The following FGF14 variants were observed in gnomAD, a reference collection of about 807,000 sequenced individuals.
FGF14 encodes the protein fibroblast growth factor 14.
Under a neutral mutation model 25.5 loss-of-function variants are expected in FGF14, and 5 were observed. That is an observed-to-expected ratio of 0.20 (90% CI 0.10 to 0.41). FGF14 has a LOEUF of 0.41. Ranked by LOEUF, FGF14 falls within the 10% of genes least tolerant of loss-of-function variation. The probability of loss-of-function intolerance (pLI) is 1.00; values close to 1 mark genes in which losing one functional copy is unlikely to be tolerated. For missense variants in FGF14, 222 were observed against 320.1 expected (o/e 0.69, Z 2.34); for synonymous variants, 138 against 118.3 (o/e 1.17, Z -1.08).
chr13:101,909,774 T>C (rs1304635416), intron 1 of FGF14, among the ~76,000 whole-genome samples: 1 of 152,200 alleles, frequency 6.6e-6, no homozygotes. Context: ...ATCATGCTTC[T>C]GTAAAGACAC....
intron 1 of FGF14, among the ~76,000 whole-genome samples, chr13:101,961,945 A>G (rs1039967016): frequency 2.0e-5 from 3 of 152,136 alleles, no homozygotes; most frequent in African/African-American, 7.2e-5. Flanking sequence ...TACCAGTACT[A>G]TGCTGTTTTG....
intron 3 of FGF14, chr13:101,868,279 G>A (rs1049682550): frequency 5.1e-6 from 1 of 195,882 alleles, no homozygotes; most frequent in African/African-American, 2.4e-5. Flanking sequence ...AGGCTTGCAA[G>A]AAATACACAT....
chr13:102,071,513 T>C (rs996749970), intron 1 of FGF14, among the ~76,000 whole-genome samples: 4 of 152,202 alleles, frequency 2.6e-5, no homozygotes, highest in African/African-American at 9.7e-5. Flanking sequence ...TTTTTTATAA[T>C]CATCACATTA....
intron 3 of FGF14, among the ~76,000 whole-genome samples, chr13:101,849,822 C>A (rs532843686): frequency 1.3e-5 from 2 of 152,118 alleles, no homozygotes; most frequent in East Asian, 3.9e-4. Context: ...AGCACCAGGT[C>A]AAACTCCAGC....
chr13:101,765,981 G>C (rs975815935), intron 3 of FGF14, among the ~76,000 whole-genome samples: 1 of 152,052 alleles, frequency 6.6e-6, no homozygotes, highest in Non-Finnish European at 1.5e-5. Flanking sequence ...TGCCCACCTT[G>C]GCCTCCCAAA....
In FGF14 at chr13:102,112,917, T is replaced by C. The variant is rs78408620; in HGVS notation, c.209-237621A>G. Among the ~76,000 whole-genome samples the C allele has an allele frequency of 5.1e-3, 774 of 152,278 alleles. 7 individuals are homozygous for C. The highest frequency in any genetic ancestry group is 0.018 in the African/African-American group (738 of 41,546). On this transcript the variant is annotated intron_variant, in intron 1 of 4. Coordinates refer to the FGF14 transcript ENST00000376131. ...AAGTTTGGGTTCAGTATTCCAAAGATTGGGGACATAATGCACTCTAAGACA... is the reference window on the plus strand; with the variant it reads ...AAGTTTGGGTTCAGTATTCCAAAGACTGGGGACATAATGCACTCTAAGACA...
intron 1 of FGF14, among the ~76,000 whole-genome samples, chr13:102,027,212 CACACACAT>C (rs1054248041): frequency 2.0e-5 from 3 of 151,664 alleles, no homozygotes; most frequent in Non-Finnish European, 2.9e-5. Context: ...AAGAAACACA[CACACACAT>C]ACACACAGAC....
intron 1 of FGF14, among the ~76,000 whole-genome samples, chr13:102,194,891 G>A (rs1263562145): frequency 1.3e-5 from 2 of 152,104 alleles, no homozygotes; most frequent in African/African-American, 2.4e-5. Flanking sequence ...ACATACAGGG[G>A]TCCTTGATAA....
At chr13:101,884,714 G>A (rs1594603129) in intron 1 of FGF14, among the ~76,000 whole-genome samples, 2 of 152,076 alleles carry the variant, frequency 1.3e-5, no homozygotes, top group Admixed American at 6.6e-5. Flanking sequence ...TTTGCTACAG[G>A]AACTGGGAAG....
chr13:102,395,264 A>G (rs2058552278), intron 1 of FGF14: 1 of 152,256 alleles, frequency 6.6e-6, no homozygotes, highest in African/African-American at 2.4e-5. Flanking sequence ...TTCCTTGTTA[A>G]GAAGAAAATT....
intron 1 of FGF14, among the ~76,000 whole-genome samples, chr13:101,987,990 C>T (rs187619704): frequency 1.8e-4 from 27 of 152,008 alleles, no homozygotes; most frequent in East Asian, 1.2e-3. Context: ...TCTAGAATCA[C>T]GAATGAAATA....
rs1169934908 is a variant in FGF14, at chr13:102,374,662, A to G, written c.208+26809T>C. 2.2e-4 allele frequency among the ~76,000 whole-genome samples: 17 copies of G among 78,190 alleles called. No homozygotes were observed. The East Asian group carries it at 3.4e-3, about 16-fold the overall frequency. The allele number at this position is 78,190 out of a possible 152,430, so 51.3% of individuals were successfully genotyped here. A position where few individuals can be genotyped will look rare whatever the true frequency, so the allele number is the denominator to read the frequency against. ...ACATATTTTATATATATATATATATATATATATATATATATATATATATAT... is the reference window on the plus strand; with the variant it reads ...ACATATTTTATATATATATATATATGTATATATATATATATATATATATAT... On this transcript the variant is annotated intron_variant, in intron 1 of 4. Coordinates refer to the FGF14 transcript ENST00000376131.
intron 1 of FGF14, 142 bp downstream of exon 1, chr13:101,916,311 G>A (rs961106969): frequency 2.9e-6 from 3 of 1,018,516 alleles, no homozygotes; most frequent in African/African-American, 3.2e-5. Context: ...GGGTCCCCGC[G>A]ACGGCACCCA....
At chr13:102,013,068 T>C (rs887392899) in intron 1 of FGF14, among the ~76,000 whole-genome samples, 3 of 152,048 alleles carry the variant, frequency 2.0e-5, no homozygotes, top group African/African-American at 4.8e-5. Context: ...GGCAGAAAGA[T>C]TGCTTGAGCC....
intron 1 of FGF14, among the ~76,000 whole-genome samples, chr13:102,121,720 T>C (rs768998714): frequency 2.0e-5 from 3 of 152,206 alleles, no homozygotes; most frequent in Non-Finnish European, 4.4e-5. Flanking sequence ...TGAAAGCGTG[T>C]CTTTGAAATT....
intron 1 of FGF14, among the ~76,000 whole-genome samples, chr13:102,151,203 T>C (rs1425943940): frequency 6.6e-6 from 1 of 152,126 alleles, no homozygotes; most frequent in Non-Finnish European, 1.5e-5. Flanking sequence ...TTATTTTAAG[T>C]TCTTTTATTC....
chr13:101,799,844 CA>C (rs1323225862), intron 3 of FGF14, among the ~76,000 whole-genome samples: 2 of 149,006 alleles, frequency 1.3e-5, no homozygotes, highest in South Asian at 2.1e-4. Context: ...GGGAAAAGGA[CA>C]CCGAAAAATA....
intron 1 of FGF14, among the ~76,000 whole-genome samples, chr13:102,284,865 G>A (rs2054016507): frequency 6.6e-6 from 1 of 151,954 alleles, no homozygotes. Context: ...AATAGTCAAT[G>A]TTTAAGTCTT....
intron 1 of FGF14, among the ~76,000 whole-genome samples, chr13:102,152,805 G>A (rs2140511564): frequency 6.6e-6 from 1 of 152,336 alleles, no homozygotes; most frequent in South Asian, 2.1e-4. Context: ...CCTTTGTGCA[G>A]TGATGTGGAA....
Sources: allele counts gnomAD v4.1 joint callset (sites outside exome capture counted in the v4.1 genomes callset), GRCh38; gene constraint gnomAD v4.1.1; transcripts MANE v1.5; gene names NCBI Gene and HGNC (gene_info 2026-07-23, HGNC 2026-07-21).